Variants in RBMS3 observed in about 807,000 individuals in gnomAD.
RBMS3 encodes the protein RNA binding motif single stranded interacting protein 3, also known as RNA-binding motif, single-stranded-interacting protein 3.
Under a neutral mutation model 66.8 loss-of-function variants are expected in RBMS3, and 27 were observed. That is an observed-to-expected ratio of 0.40 (90% CI 0.30 to 0.56). The LOEUF is 0.56. RBMS3 is among the 20% of genes least tolerant of loss of function. The pLI is 0.40. For missense variants in RBMS3, 513 were observed against 549.5 expected, an observed-to-expected ratio of 0.93 and a Z score of 0.66; for synonymous variants, 188 against 183.0, an observed-to-expected ratio of 1.03 and a Z score of -0.22.
In RBMS3 at chr3:29,991,204, G is replaced by A; in HGVS notation, c.1302G>A (p.Gln434=). The part of the protein sequence containing the change: ...NEHAPAYSYQ[Q]SKP ...ATGCACCTGCATATTCTTACCAACA[G>A]TCTAAGTAAGTCTGGGCTGTGCTAA... Residue 434 remains glutamine, a synonymous_variant, in exon 14 of 15, where the codon CAG becomes CAA. Coordinates refer to ENST00000383767, the MANE Select transcript of RBMS3 (RefSeq NM_001003793.3). 2.5e-6 allele frequency: 4 copies of A among 1,613,880 alleles called. No individual in the cohort carries two copies. Among genetic ancestry groups the A allele is most frequent in the Non-Finnish European group, 3.4e-6 (4 of 1,180,000 alleles).
intron 2 of RBMS3, among the ~76,000 whole-genome samples, chr3:29,458,120 A>G (rs759893545): frequency 4.6e-5 from 7 of 152,276 alleles, no homozygotes; most frequent in Non-Finnish European, 7.4e-5. Flanking sequence ...CATTATGATT[A>G]TATATTTAAA....
At chr3:29,857,866 A>G (rs1382927956) in intron 6 of RBMS3, among the ~76,000 whole-genome samples, 1 of 152,276 alleles carries the variant, frequency 6.6e-6, no homozygotes, top group African/African-American at 2.4e-5. Flanking sequence ...GGAATGCATT[A>G]TGGAAAGTTA....
chr3:29,428,914 C>A (rs2041071322), intron 1 of RBMS3, among the ~76,000 whole-genome samples: 1 of 152,146 alleles, frequency 6.6e-6, no homozygotes, highest in Non-Finnish European at 1.5e-5. Flanking sequence ...GAAAAAGAGC[C>A]TTTTAACCTT....
rs557466401 is a variant in RBMS3 at position 29,751,791 on chromosome 3, C to T, written c.558-11119C>T. ...AAAGGGGCGGCTCGGTTAGGCAGCCCGCAGCACTCAAACCCCTTGTGGGAG... is the reference window on the plus strand; with the variant it reads ...AAAGGGGCGGCTCGGTTAGGCAGCCTGCAGCACTCAAACCCCTTGTGGGAG... On this transcript the variant is annotated intron_variant, in intron 5 of 14. Transcript: ENST00000383767. 1.4e-4 allele frequency among the ~76,000 whole-genome samples: 21 copies of T among 152,258 alleles called. No individual in the cohort carries two copies. In the East Asian group the frequency reaches 3.1e-3, roughly 23 times the overall value.
chr3:29,674,411 A>T (rs937867644), intron 4 of RBMS3, among the ~76,000 whole-genome samples: 1 of 152,284 alleles, frequency 6.6e-6, no homozygotes, highest in African/African-American at 2.4e-5. Context: ...CAGGGTAATC[A>T]GGCGGGAGAA....
At chr3:29,438,013 T>A (rs1305169649) in intron 2 of RBMS3, among the ~76,000 whole-genome samples, 1 of 147,516 alleles carries the variant, frequency 6.8e-6, no homozygotes, top group Non-Finnish European at 1.5e-5. Context: ...AGGTCATTTG[T>A]AAAACCTTGC....
intron 1 of RBMS3, among the ~76,000 whole-genome samples, chr3:29,417,343 G>A (rs1026826503): frequency 1.3e-5 from 2 of 151,610 alleles, no homozygotes; most frequent in East Asian, 3.9e-4. Flanking sequence ...TTGGGTTCAG[G>A]GGACACCTTA....
chr3:29,864,961 AAAGG>A (rs1430666247), intron 6 of RBMS3, among the ~76,000 whole-genome samples: 13 of 96,272 alleles, frequency 1.4e-4, no homozygotes, highest in Admixed American at 3.0e-4. Flanking sequence ...AGGAAGGAAG[AAAGG>A]AAGGAAGGGA....
chr3:29,743,907 C>G (rs1373780473), intron 5 of RBMS3, among the ~76,000 whole-genome samples: 1 of 120,284 alleles, frequency 8.3e-6, no homozygotes, highest in Non-Finnish European at 1.7e-5. Flanking sequence ...CCCCCCACCC[C>G]ACAACAGTCC....
chr3:29,417,977 C>T (rs2040547123), intron 1 of RBMS3, among the ~76,000 whole-genome samples: 2 of 152,056 alleles, frequency 1.3e-5, no homozygotes, highest in Non-Finnish European at 2.9e-5. Context: ...GAAGACCAAC[C>T]ATTGGAATTT....
chr3:29,767,652 A>G (rs1177325329), intron 6 of RBMS3: 1 of 152,000 alleles, frequency 6.6e-6, no homozygotes, highest in Non-Finnish European at 1.5e-5. Flanking sequence ...ATGTATATGA[A>G]TACTTTATGG....
At chr3:29,419,277 C>A (rs2040605534) in intron 1 of RBMS3, among the ~76,000 whole-genome samples, 2 of 152,134 alleles carry the variant, frequency 1.3e-5, no homozygotes, top group South Asian at 4.1e-4. Flanking sequence ...ATAAACTGTT[C>A]TACTTTCATT....
chr3:29,710,369 C>G (rs7653087), intron 4 of RBMS3, among the ~76,000 whole-genome samples: 3,647 of 152,070 alleles, frequency 0.024, 61 homozygotes, highest in Middle Eastern at 0.038. Flanking sequence ...ATATTCTCTG[C>G]TCAGGCACTA....
intron 14 of RBMS3, among the ~76,000 whole-genome samples, chr3:29,994,462 C>A (rs1325893592): frequency 6.6e-6 from 1 of 152,234 alleles, no homozygotes; most frequent in Non-Finnish European, 1.5e-5. Context: ...TCTGTAGGCT[C>A]CACCTCTGGG....
chr3:29,689,752 C>A (rs974528191), intron 4 of RBMS3, among the ~76,000 whole-genome samples: 1 of 151,436 alleles, frequency 6.6e-6, no homozygotes, highest in Non-Finnish European at 1.5e-5. Context: ...TCTCTGCTTG[C>A]ATCCATATTT....
At chr3:29,482,708 T>C (rs1037117202) in intron 2 of RBMS3, among the ~76,000 whole-genome samples, 1 of 119,252 alleles carries the variant, frequency 8.4e-6, no homozygotes, top group Admixed American at 9.0e-5. Context: ...TTTCTTTTTT[T>C]TTTTTTTTTT....
chr3:29,698,165 T>C (rs2052367753), intron 4 of RBMS3: 9 of 966,508 alleles, frequency 9.3e-6, no homozygotes, highest in African/African-American at 1.8e-5. Flanking sequence ...ATGCTCCTTC[T>C]TCAGACTACT....
At chr3:29,656,540 T>A (rs1176723720) in intron 4 of RBMS3, among the ~76,000 whole-genome samples, 1 of 152,162 alleles carries the variant, frequency 6.6e-6, no homozygotes, top group Non-Finnish European at 1.5e-5. Context: ...TTAGACCAGA[T>A]CTCTGTTGTG....
At chr3:29,584,405 C>G (rs1171658948) in intron 3 of RBMS3, among the ~76,000 whole-genome samples, 1 of 152,022 alleles carries the variant, frequency 6.6e-6, no homozygotes, top group Admixed American at 6.6e-5. Context: ...TGACTATTTC[C>G]TATTAATAAC....
Sources: gnomAD v4.1 joint callset for allele counts (sites outside exome capture counted in the v4.1 genomes callset) on GRCh38, gnomAD v4.1.1 for gene constraint, MANE v1.5 for transcripts, NCBI Gene and HGNC (gene_info 2026-07-23, HGNC 2026-07-21) for gene names.